Variants in TSHZ2 observed in about 807,000 individuals in gnomAD.
TSHZ2 encodes teashirt homolog 2.
TSHZ2 carries 21 observed loss-of-function variants against 74.4 expected under a neutral mutation model. The observed-to-expected ratio is 0.28, with a 90% CI of 0.20 to 0.41. The LOEUF (loss-of-function observed/expected upper bound fraction) is 0.41, where lower values mean the gene tolerates loss of function less well. Among genes scored for constraint, TSHZ2 ranks in the 10% least tolerant of loss-of-function variants. The pLI is 1.00. For synonymous variants in TSHZ2, 540 were observed against 515.3 expected, an observed-to-expected ratio of 1.05 and a Z score of -0.65; for missense variants, 1,244 against 1,293.5, an observed-to-expected ratio of 0.96 and a Z score of 0.59.
intron 1 of TSHZ2, among the ~76,000 whole-genome samples, chr20:53,066,480 T>C (rs780716610): frequency 5.3e-5 from 8 of 152,010 alleles, no homozygotes; most frequent in African/African-American, 9.7e-5. Flanking sequence ...CGCGTTTTGC[T>C]CTCCTGAAGC....
intron 1 of TSHZ2, among the ~76,000 whole-genome samples, chr20:53,012,875 T>A (rs1182360334): frequency 6.6e-6 from 1 of 152,076 alleles, no homozygotes; most frequent in African/African-American, 2.4e-5. Flanking sequence ...TGGATCCCAC[T>A]CTAAAATTTC....
In TSHZ2 at chr20:53,090,436, A is replaced by C. The variant is rs558559598; in HGVS notation, c.40+117103A>C. Among the ~76,000 whole-genome samples the C allele has an allele frequency of 1.5e-3, 222 of 152,324 alleles. 1 individual carries two copies. The highest frequency in any genetic ancestry group is 3.8e-3 in the Admixed American group (58 of 15,306). Reference sequence around the variant, plus strand: ...GACTGGGGTTGAGAATAGGGTGGAGAGAGTCAGGGCATGAAGCCATGGGGG... The same window carrying C: ...GACTGGGGTTGAGAATAGGGTGGAGCGAGTCAGGGCATGAAGCCATGGGGG... On this transcript the variant is annotated intron_variant, in intron 1 of 2. Coordinates refer to ENST00000371497, the MANE Select transcript of TSHZ2 (RefSeq NM_173485.6).
chr20:53,252,849 G>T (rs1299407096), intron 1 of TSHZ2, among the ~76,000 whole-genome samples: 1 of 152,090 alleles, frequency 6.6e-6, no homozygotes, highest in Non-Finnish European at 1.5e-5. Flanking sequence ...CATTATATTT[G>T]CTGAGCTTAT....
At chr20:53,306,933 C>T (rs376314063) in intron 2 of TSHZ2, among the ~76,000 whole-genome samples, 1 of 152,140 alleles carries the variant, frequency 6.6e-6, no homozygotes, top group South Asian at 2.1e-4. Context: ...AGCATTTTAC[C>T]TAACAGTTTA....
intron 2 of TSHZ2, among the ~76,000 whole-genome samples, chr20:53,327,308 G>A (rs73276357): frequency 0.01 from 1,593 of 152,274 alleles, 29 homozygotes; most frequent in African/African-American, 0.036. Context: ...AACTAATGAC[G>A]TACAGCCATT....
At chr20:53,198,582 T>C (rs769094833) in intron 1 of TSHZ2, among the ~76,000 whole-genome samples, 1 of 152,164 alleles carries the variant, frequency 6.6e-6, no homozygotes, top group Non-Finnish European at 1.5e-5. Context: ...AAATGAAAAA[T>C]GTAAGTTAAT....
chr20:53,389,880 G>A (rs2145656109), intron 2 of TSHZ2, among the ~76,000 whole-genome samples: 1 of 152,336 alleles, frequency 6.6e-6, no homozygotes, highest in East Asian at 1.9e-4. Flanking sequence ...GGCCTGAAAT[G>A]TCAATAGCGC....
chr20:53,103,439 A>G (rs1432122472), intron 1 of TSHZ2, among the ~76,000 whole-genome samples: 1 of 152,224 alleles, frequency 6.6e-6, no homozygotes, highest in African/African-American at 2.4e-5. Context: ...GTGTGCATTG[A>G]TTGCTTTTAT....
chr20:53,460,291 C>G (rs1258741866), intron 2 of TSHZ2, among the ~76,000 whole-genome samples: 3 of 151,694 alleles, frequency 2.0e-5, no homozygotes, highest in African/African-American at 4.8e-5. Context: ...TCCCTTCTCG[C>G]TTCATTTCAT....
At chr20:53,361,512 TTTTTGTTTCAAATTCCCATTGATCTC>T (rs1480516954) in intron 2 of TSHZ2, among the ~76,000 whole-genome samples, 1 of 152,188 alleles carries the variant, frequency 6.6e-6, no homozygotes, top group Non-Finnish European at 1.5e-5. Flanking sequence ...CAACTTAAAT[TTTTTGTTTCAAATTCCCATTGATCTC>T]AATTAATGGC....
intron 2 of TSHZ2, among the ~76,000 whole-genome samples, chr20:53,453,858 T>C (rs955714998): frequency 2.0e-5 from 3 of 152,174 alleles, no homozygotes; most frequent in African/African-American, 7.2e-5. Flanking sequence ...TTTGGGACTA[T>C]TCCTGGGAAT....
chr20:53,242,327 A>C (rs1990090462), intron 1 of TSHZ2, among the ~76,000 whole-genome samples: 1 of 152,120 alleles, frequency 6.6e-6, no homozygotes, highest in Non-Finnish European at 1.5e-5. Context: ...CCCCAGAACT[A>C]CTAAGAGTAT....
At chr20:53,138,854 A>G (rs1273264363) in intron 1 of TSHZ2, among the ~76,000 whole-genome samples, 1 of 152,212 alleles carries the variant, frequency 6.6e-6, no homozygotes, top group Non-Finnish European at 1.5e-5. Flanking sequence ...CTCTGTCTCT[A>G]TTGACCAGCG....
chr20:53,209,877 A>T (rs754749230), intron 1 of TSHZ2, among the ~76,000 whole-genome samples: 1 of 151,642 alleles, frequency 6.6e-6, no homozygotes, highest in Non-Finnish European at 1.5e-5. Context: ...CCGGGATGGC[A>T]CAGAGAAGAC....
At chr20:53,123,871 G>A (rs1040277260) in intron 1 of TSHZ2, among the ~76,000 whole-genome samples, 1 of 152,176 alleles carries the variant, frequency 6.6e-6, no homozygotes, top group African/African-American at 2.4e-5. Context: ...ACTCCTAAGT[G>A]CATGACTCTA....
chr20:53,405,774 T>C (rs1471675747), intron 2 of TSHZ2, among the ~76,000 whole-genome samples: 1 of 152,084 alleles, frequency 6.6e-6, no homozygotes, highest in Non-Finnish European at 1.5e-5. Flanking sequence ...GGTGGGTGGA[T>C]TGCTTGAGCT....
At chr20:53,080,606 G>A (rs768355793) in intron 1 of TSHZ2, among the ~76,000 whole-genome samples, 1 of 152,152 alleles carries the variant, frequency 6.6e-6, no homozygotes, top group Non-Finnish European at 1.5e-5. Context: ...TAAGGAATGT[G>A]CAACCTAGAT....
At chr20:53,379,049 C>A (rs1162840308) in intron 2 of TSHZ2, among the ~76,000 whole-genome samples, 2 of 152,066 alleles carry the variant, frequency 1.3e-5, no homozygotes, top group African/African-American at 4.8e-5. Flanking sequence ...ATTTTATGTT[C>A]TTCATCTCTC....
At chr20:53,156,610 A>G (rs1306252522) in intron 1 of TSHZ2, among the ~76,000 whole-genome samples, 3 of 152,224 alleles carry the variant, frequency 2.0e-5, no homozygotes, top group African/African-American at 4.8e-5. Context: ...TGTCAGGACT[A>G]AAACCCAGAT....
Sources: allele counts gnomAD v4.1 joint callset (sites outside exome capture counted in the v4.1 genomes callset), GRCh38; gene constraint gnomAD v4.1.1; transcripts MANE v1.5; gene names NCBI Gene and HGNC (gene_info 2026-07-23, HGNC 2026-07-21).